The following ATP8A1 variants were observed in gnomAD, a reference collection of about 807,000 sequenced individuals.
ATP8A1 encodes the protein phospholipid-transporting ATPase IA.
ATP8A1 carries 90 observed loss-of-function variants against 177.7 expected under a neutral mutation model. The ratio of observed to expected loss-of-function variants is 0.51; its 90% CI spans 0.43 to 0.60. The LOEUF (loss-of-function observed/expected upper bound fraction) is 0.60. Among genes scored for constraint, ATP8A1 ranks in the 20% least tolerant of loss-of-function variants. The pLI, the probability that ATP8A1 is intolerant of heterozygous loss-of-function variation, is 0.00. For synonymous variants in ATP8A1, 493 were observed against 485.9 expected (o/e 1.01, Z -0.19); for missense variants, 1,072 against 1,392.8 (o/e 0.77, Z 3.67).
At chr4:42,460,511 CT>C (rs1719008355) in intron 27 of ATP8A1, among the ~76,000 whole-genome samples, 1 of 151,384 alleles carries the variant, frequency 6.6e-6, no homozygotes, top group African/African-American at 2.4e-5. Context: ...CCTCAGCCTC[CT>C]AAGTAGCTGG....
At chr4:42,501,272 T>C (rs561887176) in intron 24 of ATP8A1, among the ~76,000 whole-genome samples, 2 of 152,382 alleles carry the variant, frequency 1.3e-5, no homozygotes, top group Admixed American at 6.5e-5. Flanking sequence ...ATATTCTCTC[T>C]ACAAAATTTT....
intron 4 of ATP8A1, among the ~76,000 whole-genome samples, chr4:42,624,153 C>T (rs1442110211): frequency 2.0e-5 from 3 of 151,676 alleles, no homozygotes; most frequent in African/African-American, 7.3e-5. Flanking sequence ...AAATCCAAGG[C>T]ATTTAATAAA....
intron 6 of ATP8A1, 89 bp downstream of exon 6, chr4:42,600,389 A>T (rs1270506552): frequency 2.0e-6 from 2 of 1,016,602 alleles, no homozygotes; most frequent in Non-Finnish European, 2.7e-6. Context: ...AATTCTTCAC[A>T]TTTGCTCATA....
At chr4:42,594,090 T>C (rs779023691) in intron 6 of ATP8A1, among the ~76,000 whole-genome samples, 1 of 152,122 alleles carries the variant, frequency 6.6e-6, no homozygotes, top group Non-Finnish European at 1.5e-5. Flanking sequence ...TGATAAAGTA[T>C]AGTACCTATC....
intron 33 of ATP8A1, among the ~76,000 whole-genome samples, chr4:42,441,433 C>G (rs1458211245): frequency 6.6e-6 from 1 of 152,052 alleles, no homozygotes; most frequent in African/African-American, 2.4e-5. Flanking sequence ...AGAGTAGTCA[C>G]TACTTGTTGA....
At position 42,572,013 on chromosome 4, in the gene ATP8A1, T is replaced by C. The variant is rs777938494; in HGVS notation, c.1295+2606A>G. ...GAAACTTCAAGCCTTATTCTTCTGA[T>C]AAGACACAACAGAACTCACTTGAAC... On this transcript the variant is annotated intron_variant, in intron 14 of 36. Transcript: ENST00000381668. 5.4e-4 allele frequency among the ~76,000 whole-genome samples: 83 copies of C among 152,324 alleles called. No individual in the cohort carries two copies. The Middle Eastern group carries it at 0.017, about 31-fold the overall frequency.
chr4:42,601,190 C>G (rs929712046), intron 5 of ATP8A1, among the ~76,000 whole-genome samples: 1 of 151,830 alleles, frequency 6.6e-6, no homozygotes, highest in Non-Finnish European at 1.5e-5. Flanking sequence ...CATGCACCAC[C>G]ATGTGTGGCT....
intron 20 of ATP8A1, among the ~76,000 whole-genome samples, chr4:42,541,271 A>G (rs1728360684): frequency 6.6e-6 from 1 of 152,232 alleles, no homozygotes; most frequent in Non-Finnish European, 1.5e-5. Flanking sequence ...GCATATGAAA[A>G]AATGTTCAAC....
At chr4:42,490,204 A>G (rs1722604947) in intron 24 of ATP8A1, among the ~76,000 whole-genome samples, 1 of 152,168 alleles carries the variant, frequency 6.6e-6, no homozygotes, top group African/African-American at 2.4e-5. Flanking sequence ...ACACAGACAG[A>G]GCCCAGTGCT....
At chr4:42,442,754 T>C (rs1260543057) in intron 33 of ATP8A1, among the ~76,000 whole-genome samples, 1 of 152,118 alleles carries the variant, frequency 6.6e-6, no homozygotes, top group African/African-American at 2.4e-5. Flanking sequence ...GGGCAACAAA[T>C]ACATGAAAAC....
chr4:42,550,011 A>C (rs1032573623), intron 18 of ATP8A1, among the ~76,000 whole-genome samples: 2 of 152,146 alleles, frequency 1.3e-5, no homozygotes, highest in African/African-American at 4.8e-5. Context: ...GCAGTGTGGT[A>C]ATTAGCACCC....
chr4:42,645,392 T>C (rs1344581252), intron 1 of ATP8A1, among the ~76,000 whole-genome samples: 1 of 152,216 alleles, frequency 6.6e-6, no homozygotes, highest in African/African-American at 2.4e-5. Context: ...TCGCAACCTA[T>C]ATAGTTGTAT....
At chr4:42,461,701 C>T (rs890749675) in intron 27 of ATP8A1, among the ~76,000 whole-genome samples, 3 of 152,070 alleles carry the variant, frequency 2.0e-5, no homozygotes, top group Non-Finnish European at 4.4e-5. Context: ...TGAAAAGATA[C>T]CCAAAAACAT....
At chr4:42,574,844 T>C (rs1440848041) in intron 13 of ATP8A1, 137 bp from the exon 14 acceptor site, 2 of 602,670 alleles carry the variant, frequency 3.3e-6, no homozygotes, top group East Asian at 6.1e-5. Context: ...TGCCCATTTA[T>C]CAAGGAATAT....
At chr4:42,538,933 T>C (rs1419275512) in intron 20 of ATP8A1, among the ~76,000 whole-genome samples, 2 of 152,104 alleles carry the variant, frequency 1.3e-5, no homozygotes, top group African/African-American at 4.8e-5. Context: ...AAATAAGTCA[T>C]TATACAAAAA....
At chr4:42,500,457 A>G (rs1030274036) in intron 24 of ATP8A1, among the ~76,000 whole-genome samples, 1 of 152,252 alleles carries the variant, frequency 6.6e-6, no homozygotes, top group South Asian at 2.1e-4. Context: ...CTCCTAGTAA[A>G]GTAGTTCACA....
At chr4:42,581,368 T>C (rs558284256) in intron 10 of ATP8A1, among the ~76,000 whole-genome samples, 31 of 152,222 alleles carry the variant, frequency 2.0e-4, no homozygotes, top group Admixed American at 1.1e-3. Context: ...CTCCTGACCT[T>C]GTGATCCGCC....
At position 42,410,324 on chromosome 4, in the gene ATP8A1, A is replaced by G. The variant is rs1025143744; in HGVS notation, c.*2592T>C. 6.6e-6 allele frequency: 1 copy of G among 152,206 alleles called. No individual in the cohort carries two copies. Among genetic ancestry groups the G allele is most frequent in the African/African-American group, 2.4e-5 (1 of 41,446 alleles). The allele number at this position is 152,206 out of a possible 1,614,324, so 9.4% of individuals were successfully genotyped here. A position where few individuals can be genotyped will look rare whatever the true frequency, so the allele number is the denominator to read the frequency against. Reference sequence around the variant, plus strand: ...AAGTCGTATTGTCTGAATTGTAAACATTGTAAAGCAACTGTGTTAGCATTT... The same window carrying G: ...AAGTCGTATTGTCTGAATTGTAAACGTTGTAAAGCAACTGTGTTAGCATTT... On this transcript the variant is annotated 3_prime_UTR_variant, in exon 37 of 37. Transcript: ENST00000381668.
At chr4:42,484,254 C>A (rs1021776267) in intron 25 of ATP8A1, among the ~76,000 whole-genome samples, 2 of 152,008 alleles carry the variant, frequency 1.3e-5, no homozygotes, top group African/African-American at 4.8e-5. Flanking sequence ...TATGATTAAG[C>A]AAAGAGCCGG....
Sources: allele counts gnomAD v4.1 joint callset (sites outside exome capture counted in the v4.1 genomes callset), GRCh38; gene constraint gnomAD v4.1.1; transcripts MANE v1.5; gene names NCBI Gene and HGNC (gene_info 2026-07-23, HGNC 2026-07-21).